Variants in MPRIP observed in about 807,000 individuals in gnomAD.
MPRIP encodes myosin phosphatase Rho interacting protein.
In MPRIP, 59 loss-of-function variants were observed where a neutral mutation model predicts 234.9. That is an observed-to-expected ratio of 0.25 (90% CI 0.20 to 0.31). The LOEUF is 0.31. Among genes scored for constraint, MPRIP ranks in the 10% least tolerant of loss-of-function variants. The pLI is 1.00. For missense variants in MPRIP, 2,436 were observed against 3,071.0 expected, an observed-to-expected ratio of 0.79 and a Z score of 4.89; for synonymous variants, 1,144 against 1,263.9, an observed-to-expected ratio of 0.91 and a Z score of 2.01.
rs200010089 is a variant in MPRIP at position 17,142,696 on chromosome 17, A to G, written c.1320A>G (p.Ala440=). The G allele has an allele frequency of 3.0e-5, 48 of 1,612,330 alleles. No homozygotes were observed. The East Asian group carries it at 1.0e-3, about 34-fold the overall frequency. ...AGGCAGAGCACATGGAGACCAATGC[A>G]GTGGGGCCCTCACCATCCAGCGACA... ...IEKAEHMETN[A]VGPSPSSDTR... Residue 440 remains alanine, a synonymous_variant, in exon 8 of 24, where the codon GCA becomes GCG. Transcript: ENST00000651222.
intron 1 of MPRIP, among the ~76,000 whole-genome samples, chr17:17,060,996 G>T (rs890081742): frequency 6.6e-6 from 1 of 152,196 alleles, no homozygotes; most frequent in East Asian, 1.9e-4. Flanking sequence ...ACCAGTGTTC[G>T]TCGGCCCTGG....
At chr17:17,111,920 TTG>T (rs1269302033) in intron 3 of MPRIP, among the ~76,000 whole-genome samples, 5 of 152,082 alleles carry the variant, frequency 3.3e-5, no homozygotes, top group Non-Finnish European at 7.4e-5. Context: ...ACCCTGGCAT[TTG>T]TTTAGCTTGC....
intron 1 of MPRIP, among the ~76,000 whole-genome samples, chr17:17,057,439 T>C (rs2088734349): frequency 6.6e-6 from 1 of 152,176 alleles, no homozygotes; most frequent in Non-Finnish European, 1.5e-5. Context: ...AGGAGGGCTG[T>C]GGGGCATGGG....
At chr17:17,160,157 A>G (rs1290258041) in intron 14 of MPRIP, among the ~76,000 whole-genome samples, 1 of 152,114 alleles carries the variant, frequency 6.6e-6, no homozygotes, top group Non-Finnish European at 1.5e-5. Flanking sequence ...TCACAAGGTC[A>G]AGAGATCAAG....
At chr17:17,102,619 C>T (rs1302713640) in intron 3 of MPRIP, among the ~76,000 whole-genome samples, 3 of 152,110 alleles carry the variant, frequency 2.0e-5, no homozygotes, top group African/African-American at 7.2e-5. Context: ...AGTGAGATGG[C>T]CATGTCTCAT....
At chr17:17,135,397 A>G (rs942868347) in intron 5 of MPRIP, among the ~76,000 whole-genome samples, 3 of 152,220 alleles carry the variant, frequency 2.0e-5, no homozygotes, top group Admixed American at 2.0e-4. Context: ...GAGAGCAAGC[A>G]TGTGCACATG....
intron 3 of MPRIP, among the ~76,000 whole-genome samples, chr17:17,088,226 G>T (rs118181847): frequency 6.6e-6 from 1 of 152,210 alleles, no homozygotes; most frequent in African/African-American, 2.4e-5. Flanking sequence ...CCCACACCCC[G>T]CACTGGGGAG....
intron 3 of MPRIP, among the ~76,000 whole-genome samples, chr17:17,117,965 A>G (rs2090317873): frequency 1.3e-5 from 2 of 152,228 alleles, no homozygotes; most frequent in African/African-American, 4.8e-5. Context: ...CTGAAAACAG[A>G]TTGCTTAGAG....
Position 17,136,376 on chromosome 17 carries a change from C to G in MPRIP, c.662C>G (p.Pro221Arg), listed in dbSNP as rs2090698424. Residue 221 changes from proline to arginine, a missense_variant, in exon 6 of 24, where the codon CCA (proline) becomes CGA (arginine). By Grantham distance (103) the Pro-to-Arg change is moderately radical. Coordinates refer to ENST00000651222, the MANE Select transcript of MPRIP (RefSeq NM_001364716.4). ...CAGCCAGATGGCAGCAGCCTGAGTC[C>G]AGCTCAGAGTCCCAGCCAGAGCCAG... is the stretch of plus-strand genomic sequence containing the variant. The part of the protein sequence containing the change: ...KDQPDGSSLS[P>R]AQSPSQSQPP... 5 of 1,610,298 alleles carry G rather than the reference C, an allele frequency of 3.1e-6. No homozygotes were observed. In the East Asian group the frequency reaches 1.1e-4, roughly 36 times the overall value.
intron 3 of MPRIP, among the ~76,000 whole-genome samples, chr17:17,118,632 G>C (rs962900877): frequency 6.6e-6 from 1 of 152,200 alleles, no homozygotes; most frequent in Admixed American, 6.5e-5. Flanking sequence ...GACTGGGAAG[G>C]GGGAAGGGAG....
chr17:17,136,150 C>G, intron 5 of MPRIP, 69 bp from the exon 6 acceptor site: 1 of 1,580,378 alleles, frequency 6.3e-7, no homozygotes, highest in South Asian at 1.1e-5. Context: ...GCTAGGCAGC[C>G]AGGACCTGTG....
rs2046505121 is a variant in MPRIP at position 17,187,775 on chromosome 17, G to T, written c.*2881G>T. ...GAAGAACAGTGAAGAAGTAGAACTG[G>T]TTTCTGTATGGGGAGAGGAAAGTCT... On this transcript the variant is annotated 3_prime_UTR_variant, in exon 24 of 24. Coordinates refer to ENST00000651222, the MANE Select transcript of MPRIP (RefSeq NM_001364716.4). 1.3e-5 allele frequency: 2 copies of T among 152,276 alleles called. No homozygotes were observed. The highest frequency in any genetic ancestry group is 2.9e-5 in the Non-Finnish European group (2 of 68,082). 9.4% of individuals were successfully genotyped at this position (152,276 alleles called of 1,614,324 possible). A position where few individuals can be genotyped will look rare whatever the true frequency, so the allele number is the denominator to read the frequency against.
intron 8 of MPRIP, among the ~76,000 whole-genome samples, chr17:17,143,166 C>T (rs2045368443): frequency 6.6e-6 from 1 of 152,184 alleles, no homozygotes; most frequent in African/African-American, 2.4e-5. Context: ...GCTTTTGTAG[C>T]CGGCCAAGTC....
At chr17:17,048,118 T>C (rs1159860726) in intron 1 of MPRIP, among the ~76,000 whole-genome samples, 1 of 152,208 alleles carries the variant, frequency 6.6e-6, no homozygotes, top group Non-Finnish European at 1.5e-5. Context: ...CCTGCAAGCC[T>C]GTTTCTACTT....
At position 17,106,709 on chromosome 17, in the gene MPRIP, A is replaced by G. The variant is rs571825064; in HGVS notation, c.268-19993A>G. On this transcript the variant is annotated intron_variant, in intron 3 of 23. Transcript: ENST00000651222. ...TGGGTCAGGGCTGAACACAAGGAAAAAAGACGCCACACATGGAAGGAAATC... is the reference window on the plus strand; with the variant it reads ...TGGGTCAGGGCTGAACACAAGGAAAGAAGACGCCACACATGGAAGGAAATC... Among the ~76,000 whole-genome samples the G allele has an allele frequency of 4.6e-5, 7 of 152,246 alleles. No individual in the cohort carries two copies. The South Asian group carries it at 1.0e-3, about 23-fold the overall frequency.
intron 3 of MPRIP, among the ~76,000 whole-genome samples, chr17:17,099,131 A>G (rs17720904): frequency 0.098 from 14,860 of 152,212 alleles, 1,022 homozygotes; most frequent in Non-Finnish European, 0.14. Flanking sequence ...AGCCATGTCA[A>G]AGGCACATAC....
In MPRIP at chr17:17,175,336, C is replaced by T. The variant is rs748805990; in HGVS notation, c.6794C>T (p.Thr2265Met). Residue 2265 changes from threonine to methionine, a missense_variant, in exon 20 of 24, where the codon ACG becomes ATG. Physicochemically the swap from Thr to Met is moderately conservative, Grantham distance 81. This residue lies in a region of MPRIP where 1,998 missense variants were observed against 2,520.3 expected (regional missense o/e 0.79). Coordinates refer to ENST00000651222, the MANE Select transcript of MPRIP (RefSeq NM_001364716.4). ...GCTGCAGAGATCACACGGTTGCGGA[C>T]GCTGCTGACTGGGGACGGCGGTGGG... ...RLAAEITRLR[T>M]LLTGDGGGEA... 11 of 1,613,558 alleles carry T rather than the reference C, an allele frequency of 6.8e-6. No homozygotes were observed. The highest frequency in any genetic ancestry group is 2.2e-5 in the South Asian group (2 of 91,090).
At chr17:17,149,601 T>C (rs553661683) in intron 11 of MPRIP, among the ~76,000 whole-genome samples, 5 of 151,908 alleles carry the variant, frequency 3.3e-5, no homozygotes, top group Non-Finnish European at 7.4e-5. Context: ...CAAAGCAATG[T>C]GACTCTTATC....
In MPRIP at chr17:17,158,877, C is replaced by T. The variant is rs1287731844; in HGVS notation, c.2275C>T (p.His759Tyr). 6.2e-7 allele frequency: 1 copy of T among 1,612,050 alleles called. No homozygotes were observed. The highest frequency in any genetic ancestry group is 8.5e-7 in the Non-Finnish European group (1 of 1,180,030). The change falls in exon 14 of 24, where the codon CAT (histidine) becomes TAT (tyrosine). Residue 759 changes from histidine (H) to tyrosine (Y), a missense_variant. Around this residue, in one of 4 missense-constraint regions of MPRIP, gnomAD observed 1,998 missense variants for 2,520.3 expected, o/e 0.79. Transcript: ENST00000651222. ...CCACGTGGAGATTGAGCAGCGGTGG[C>T]ATCAGGTGGAGACCACACCTCTCCG... ...NVHVEIEQRWHQVETTPLREE... is the reference protein window; with the variant it reads ...NVHVEIEQRWYQVETTPLREE...
Sources: allele counts gnomAD v4.1 joint callset (sites outside exome capture counted in the v4.1 genomes callset), GRCh38; gene constraint gnomAD v4.1.1; regional missense constraint gnomAD v4.1.1; transcripts MANE v1.5; gene names NCBI Gene and HGNC (gene_info 2026-07-23, HGNC 2026-07-21).